Variants in CNTNAP5 observed in about 807,000 individuals in gnomAD.
CNTNAP5 encodes the protein contactin-associated protein-like 5.
In CNTNAP5, 72 loss-of-function variants were observed where a neutral mutation model predicts 150.2. The observed-to-expected ratio is 0.48, with a 90% confidence interval of 0.40 to 0.58. CNTNAP5 has a LOEUF of 0.58. Ranked by LOEUF, CNTNAP5 falls within the 20% of genes least tolerant of loss-of-function variation. CNTNAP5 has a pLI of 0.00. For synonymous variants in CNTNAP5, 672 were observed against 619.8 expected, an observed-to-expected ratio of 1.08 and a Z score of -1.25; for missense variants, 1,636 against 1,626.2, an observed-to-expected ratio of 1.01 and a Z score of -0.10.
intron 18 of CNTNAP5, among the ~76,000 whole-genome samples, chr2:124,791,693 CTT>C (rs538796535): frequency 0.082 from 9,463 of 115,206 alleles, 467 homozygotes; most frequent in African/African-American, 0.19. Flanking sequence ...AGCCTAATTT[CTT>C]TTTTTTTTTT....
At chr2:124,450,939 G>A (rs549590540) in intron 6 of CNTNAP5, among the ~76,000 whole-genome samples, 24 of 148,416 alleles carry the variant, frequency 1.6e-4, no homozygotes, top group African/African-American at 5.7e-4. Context: ...GCTGAGGAGG[G>A]AGGATGGCTT....
chr2:124,863,059 A>C (rs767472393), intron 19 of CNTNAP5, among the ~76,000 whole-genome samples: 7 of 152,202 alleles, frequency 4.6e-5, no homozygotes, highest in Admixed American at 2.0e-4. Context: ...GATGCCAGCA[A>C]ACATGTATAA....
intron 7 of CNTNAP5, among the ~76,000 whole-genome samples, chr2:124,499,319 A>C (rs548836742): frequency 6.6e-6 from 1 of 152,336 alleles, no homozygotes; most frequent in Non-Finnish European, 1.5e-5. Flanking sequence ...AGTATAAGAA[A>C]CATAATAGAT....
intron 10 of CNTNAP5, among the ~76,000 whole-genome samples, chr2:124,547,343 C>T (rs1695536179): frequency 6.6e-6 from 1 of 152,136 alleles, no homozygotes; most frequent in African/African-American, 2.4e-5. Flanking sequence ...GCATTTAATT[C>T]TAACTTAATA....
At chr2:124,534,405 T>G in intron 10 of CNTNAP5, among the ~76,000 whole-genome samples, 1 of 152,326 alleles carries the variant, frequency 6.6e-6, no homozygotes, top group Middle Eastern at 3.4e-3. Flanking sequence ...TATTTCTTGA[T>G]TATATGCTAA....
intron 10 of CNTNAP5, among the ~76,000 whole-genome samples, chr2:124,548,686 A>G (rs537280472): frequency 3.3e-5 from 5 of 152,236 alleles, no homozygotes; most frequent in Non-Finnish European, 2.9e-5. Context: ...AACACAGTCT[A>G]TGACTGTGTC....
At chr2:124,616,854 T>C (rs1305453833) in intron 12 of CNTNAP5, among the ~76,000 whole-genome samples, 9 of 152,132 alleles carry the variant, frequency 5.9e-5, no homozygotes, top group African/African-American at 2.2e-4. Flanking sequence ...CATTGGCCAG[T>C]AGAGCAGTCA....
chr2:124,321,868 G>A (rs755695418), intron 3 of CNTNAP5, among the ~76,000 whole-genome samples: 2 of 152,002 alleles, frequency 1.3e-5, no homozygotes, highest in East Asian at 1.9e-4. Context: ...TGCTTATATC[G>A]GCCAGGTGAG....
chr2:124,570,193 T>C (rs1696119811), intron 11 of CNTNAP5, among the ~76,000 whole-genome samples: 1 of 152,136 alleles, frequency 6.6e-6, no homozygotes, highest in Non-Finnish European at 1.5e-5. Context: ...AACAAATAAA[T>C]GAATTTATGA....
At chr2:124,606,328 C>T (rs1481971761) in intron 11 of CNTNAP5, among the ~76,000 whole-genome samples, 1 of 151,198 alleles carries the variant, frequency 6.6e-6, no homozygotes, top group Non-Finnish European at 1.5e-5. Context: ...GGCTAAATTC[C>T]CATTTTCCAA....
In CNTNAP5 at chr2:124,803,072, G is replaced by A. The variant is rs561489535; in HGVS notation, c.3217+4752G>A. Among the ~76,000 whole-genome samples the A allele has an allele frequency of 6.7e-5, 10 of 149,236 alleles. 1 individual carries two copies. The highest frequency in any genetic ancestry group is 3.3e-4 in the Admixed American group (5 of 14,946). On this transcript the variant is annotated intron_variant, in intron 19 of 23. Transcript: ENST00000682447. Reference sequence around the variant, plus strand: ...GGAGCTTGCAGTGAGCCGAGATCACGCCACTGCACTCCAGGCTGGGCGACA... The same window carrying A: ...GGAGCTTGCAGTGAGCCGAGATCACACCACTGCACTCCAGGCTGGGCGACA...
chr2:124,154,403 G>A (rs933294733), intron 1 of CNTNAP5, among the ~76,000 whole-genome samples: 1 of 152,108 alleles, frequency 6.6e-6, no homozygotes, highest in Admixed American at 6.6e-5. Flanking sequence ...TGATGGGGGT[G>A]AGGAGAGGTG....
intron 1 of CNTNAP5, among the ~76,000 whole-genome samples, chr2:124,137,918 C>A (rs540907611): frequency 6.6e-6 from 1 of 152,164 alleles, no homozygotes; most frequent in African/African-American, 2.4e-5. Flanking sequence ...CAAGGAGATG[C>A]CCTGCACATG....
intron 7 of CNTNAP5, among the ~76,000 whole-genome samples, chr2:124,491,945 T>G (rs182546309): frequency 3.9e-5 from 6 of 152,214 alleles, no homozygotes; most frequent in African/African-American, 1.4e-4. Context: ...ATTATATTAT[T>G]TGGGTTTTTT....
intron 1 of CNTNAP5, among the ~76,000 whole-genome samples, chr2:124,157,626 A>T (rs544571006): frequency 5.3e-5 from 8 of 152,338 alleles, no homozygotes; most frequent in Non-Finnish European, 1.2e-4. Context: ...AGGAAATTCC[A>T]CTTCTATTAA....
chr2:124,740,863 C>A (rs1680483423), intron 13 of CNTNAP5, among the ~76,000 whole-genome samples: 2 of 152,190 alleles, frequency 1.3e-5, no homozygotes, highest in Non-Finnish European at 2.9e-5. Context: ...TTCCCAGGGT[C>A]ATGTCAAGGA....
chr2:124,643,122 C>G (rs1678128747), intron 12 of CNTNAP5, among the ~76,000 whole-genome samples: 1 of 152,170 alleles, frequency 6.6e-6, no homozygotes, highest in African/African-American at 2.4e-5. Context: ...TTCAGGGAAC[C>G]AGAATGCTTA....
intron 19 of CNTNAP5, among the ~76,000 whole-genome samples, chr2:124,840,649 T>C (rs1482459596): frequency 6.6e-6 from 1 of 152,122 alleles, no homozygotes; most frequent in Non-Finnish European, 1.5e-5. Context: ...TGATTGTCTT[T>C]ATGCCGGTAA....
chr2:124,340,762 C>A (rs1011382968), intron 3 of CNTNAP5, among the ~76,000 whole-genome samples: 7 of 149,594 alleles, frequency 4.7e-5, no homozygotes, highest in Admixed American at 2.0e-4. Context: ...CTACCAAAAA[C>A]AAACAAACAA....
Sources: allele counts gnomAD v4.1 joint callset (sites outside exome capture counted in the v4.1 genomes callset), GRCh38; gene constraint gnomAD v4.1.1; transcripts MANE v1.5; gene names NCBI Gene and HGNC (gene_info 2026-07-23, HGNC 2026-07-21).